TBC1D14: variants seen among roughly 807,000 people sequenced by gnomAD.
The protein encoded by TBC1D14 is TBC1 domain family, member 14.
A neutral mutation model predicts 79.0 loss-of-function variants in TBC1D14; 26 were observed. The observed-to-expected ratio is 0.33, with a 90% confidence interval of 0.24 to 0.46. The LOEUF is 0.46. Ranked by LOEUF, TBC1D14 falls within the 20% of genes least tolerant of loss-of-function variation. The pLI, the probability that TBC1D14 is intolerant of heterozygous loss-of-function variation, is 1.00. For synonymous variants in TBC1D14, 394 were observed against 349.9 expected, an observed-to-expected ratio of 1.13 and a Z score of -1.40; for missense variants, 769 against 887.6, an observed-to-expected ratio of 0.87 and a Z score of 1.70.
intron 2 of TBC1D14, among the ~76,000 whole-genome samples, chr4:6,931,551 G>A (rs1332613892): frequency 6.6e-6 from 1 of 152,176 alleles, no homozygotes; most frequent in Non-Finnish European, 1.5e-5. Flanking sequence ...ACACACAGGA[G>A]GTTGTCTGGT....
intron 5 of TBC1D14, 140 bp downstream of exon 5, chr4:6,996,547 A>AAC (rs1440089893): frequency 2.9e-6 from 2 of 686,794 alleles, no homozygotes; most frequent in Non-Finnish European, 4.9e-6. Flanking sequence ...AAAAAAAAAA[A>AAC]AAGATGCATG....
chr4:6,923,288 A>G lies in TBC1D14; in HGVS notation c.-17-85A>G, dbSNP rs932934446. 4.2e-6 allele frequency: 6 copies of G among 1,440,232 alleles called. No homozygotes were observed. The African/African-American group carries it at 7.1e-5, about 17-fold the overall frequency. 89.2% of individuals were successfully genotyped at this position (1,440,232 alleles called of 1,614,324 possible). A position where few individuals can be genotyped will look rare whatever the true frequency, so the allele number is the denominator to read the frequency against. ...TTCAAGGCTTTCTCCCTTAAGTGAG[A>G]TCAGACCATTTCAGCTGTGTGTCAG... is the stretch of plus-strand genomic sequence containing the variant. On this transcript the variant is annotated intron_variant, in intron 1 of 13. Coordinates refer to ENST00000409757, the MANE Select transcript of TBC1D14 (RefSeq NM_020773.3).
At position 6,922,444 on chromosome 4, in the gene TBC1D14, G is replaced by C. The variant is rs554034700; in HGVS notation, c.-17-929G>C. The stretch of plus-strand genomic sequence containing the variant: ...GGGTCCCGTAGATCCCAGCTCTGCT[G>C]TTAAACAGCAGTGTGATCTTAGACC... On this transcript the variant is annotated intron_variant, in intron 1 of 13. Transcript: ENST00000409757. Among the ~76,000 whole-genome samples the C allele has an allele frequency of 3.3e-5, 5 of 152,276 alleles. No homozygotes were observed. The East Asian group carries it at 9.6e-4, about 29-fold the overall frequency.
At chr4:6,964,939 G>A (rs1229919323) in intron 2 of TBC1D14, among the ~76,000 whole-genome samples, 1 of 152,060 alleles carries the variant, frequency 6.6e-6, no homozygotes, top group African/African-American at 2.4e-5. Context: ...TTCTCTTTAC[G>A]TGTGATAGTA....
At chr4:6,988,953 T>C (rs1033329127) in intron 3 of TBC1D14, among the ~76,000 whole-genome samples, 2 of 142,684 alleles carry the variant, frequency 1.4e-5, no homozygotes, top group African/African-American at 5.2e-5. Flanking sequence ...TATGGCTTAC[T>C]GCAACCTTGA....
At chr4:7,027,437 C>G (rs2108750495) in intron 13 of TBC1D14, among the ~76,000 whole-genome samples, 1 of 137,066 alleles carries the variant, frequency 7.3e-6, no homozygotes, top group Non-Finnish European at 1.6e-5. Context: ...ACACAGTCAC[C>G]CCACACATAG....
chr4:6,980,692 A>AGAC (rs1717291896), intron 3 of TBC1D14, among the ~76,000 whole-genome samples: 1 of 152,138 alleles, frequency 6.6e-6, no homozygotes, highest in South Asian at 2.1e-4. Flanking sequence ...CACAAAAATA[A>AGAC]GACAATAGAA....
At chr4:6,947,792 A>G (rs1052087213) in intron 2 of TBC1D14, among the ~76,000 whole-genome samples, 3 of 152,162 alleles carry the variant, frequency 2.0e-5, no homozygotes, top group Non-Finnish European at 4.4e-5. Context: ...GGAGAACACT[A>G]GATCTTGCTT....
At chr4:6,994,750 C>G (rs1393291377) in intron 4 of TBC1D14, among the ~76,000 whole-genome samples, 1 of 151,824 alleles carries the variant, frequency 6.6e-6, no homozygotes, top group Non-Finnish European at 1.5e-5. Context: ...ATCCTAGCTA[C>G]TCAGGAGGCT....
chr4:6,921,693 A>ATTTT (rs35634049), intron 1 of TBC1D14, among the ~76,000 whole-genome samples: 2 of 92,232 alleles, frequency 2.2e-5, no homozygotes, highest in Non-Finnish European at 4.2e-5. Context: ...CACCTGGCTA[A>ATTTT]TTTTTTTTTT....
At chr4:7,020,530 G>T (rs1290911094) in intron 12 of TBC1D14, among the ~76,000 whole-genome samples, 2 of 152,178 alleles carry the variant, frequency 1.3e-5, no homozygotes, top group African/African-American at 2.4e-5. Flanking sequence ...AGCTGGTCAG[G>T]TTGGGAAAAT....
intron 2 of TBC1D14, among the ~76,000 whole-genome samples, chr4:6,963,553 C>G (rs767664313): frequency 8.5e-5 from 13 of 152,190 alleles, no homozygotes; most frequent in Non-Finnish European, 1.8e-4. Context: ...CCTTGGCTCC[C>G]CCTTGGCCTC....
chr4:7,027,701 C>T (rs1415987904), intron 13 of TBC1D14, among the ~76,000 whole-genome samples: 1 of 121,690 alleles, frequency 8.2e-6, no homozygotes, highest in Non-Finnish European at 1.7e-5. Context: ...TCACCCCCCA[C>T]ACATCACACA....
At chr4:7,018,895 GC>G (rs1270369842) in intron 12 of TBC1D14, among the ~76,000 whole-genome samples, 5 of 152,230 alleles carry the variant, frequency 3.3e-5, no homozygotes, top group African/African-American at 4.8e-5. Flanking sequence ...GTGTGAGTGA[GC>G]TTTATAATAA....
At chr4:7,028,983 A>G (rs1722765320) in intron 13 of TBC1D14, among the ~76,000 whole-genome samples, 1 of 152,142 alleles carries the variant, frequency 6.6e-6, no homozygotes, top group Non-Finnish European at 1.5e-5. Flanking sequence ...GACTGCAGGC[A>G]TGTGCCATGA....
intron 5 of TBC1D14, chr4:6,997,008 A>C (rs1171498532): frequency 6.6e-6 from 1 of 152,252 alleles, no homozygotes; most frequent in African/African-American, 2.4e-5. Flanking sequence ...AAAATATATA[A>C]CATGGATGTG....
chr4:6,999,058 G>GTTGTT, intron 5 of TBC1D14, 27 bp from the exon 6 acceptor site: 1 of 1,608,542 alleles, frequency 6.2e-7, no homozygotes, highest in South Asian at 1.1e-5. Flanking sequence ...TTAGTAGATT[G>GTTGTT]TTGTTTTTCT....
In TBC1D14 at chr4:6,996,309, T is replaced by C. The variant is rs771474641; in HGVS notation, c.963-16T>C. On this transcript the variant is annotated splice_polypyrimidine_tract_variant and intron_variant, in intron 4 of 13. Coordinates refer to ENST00000409757, the MANE Select transcript of TBC1D14 (RefSeq NM_020773.3). ...CGGTATTTATAATGGTGAAAACTCA[T>C]TTCTTTCCTGTCAAGAAATCTCCCA... 6.8e-6 allele frequency: 11 copies of C among 1,609,426 alleles called. No homozygotes were observed. The highest frequency in any genetic ancestry group is 2.2e-5 in the South Asian group (2 of 90,944).
At chr4:6,926,612 A>G (rs977435903) in intron 2 of TBC1D14, among the ~76,000 whole-genome samples, 2 of 152,236 alleles carry the variant, frequency 1.3e-5, no homozygotes, top group African/African-American at 2.4e-5. Flanking sequence ...AAGTGATGAC[A>G]TGGGCAGAGT....
Sources: gnomAD v4.1 joint callset for allele counts (sites outside exome capture counted in the v4.1 genomes callset) on GRCh38, gnomAD v4.1.1 for gene constraint, MANE v1.5 for transcripts, NCBI Gene and HGNC (gene_info 2026-07-23, HGNC 2026-07-21) for gene names.